The following MED13 variants were observed in gnomAD, a reference collection of about 807,000 sequenced individuals.
MED13 encodes mediator of RNA polymerase II transcription subunit 13.
Under a neutral mutation model 225.2 loss-of-function variants are expected in MED13, and 23 were observed. The observed-to-expected ratio is 0.10, with a 90% confidence interval of 0.07 to 0.14. MED13 has a LOEUF of 0.14. MED13 is among the 10% of genes least tolerant of loss of function. The pLI is 1.00. For missense variants in MED13, 2,197 were observed against 2,594.5 expected (o/e 0.85, Z 3.33); for synonymous variants, 942 against 889.2 (o/e 1.06, Z -1.06).
chr17:61,956,449 A>G lies in MED13; in HGVS notation c.5513T>C (p.Phe1838Ser), dbSNP rs746142227. The G allele has an allele frequency of 6.2e-7, 1 of 1,612,916 alleles. No homozygotes were observed. Among genetic ancestry groups the G allele is most frequent in the Non-Finnish European group, 8.5e-7 (1 of 1,179,660 alleles). ...ARRKKSSARK[F>S]GLQKLWEWCL... is the part of the protein sequence containing the mutation. ...CCACTCCCAAAGTTTCTGTAGACCAAATTTTCTAGCAGAACTTTTTTTCCG... is the reference window on the plus strand; with the variant it reads ...CCACTCCCAAAGTTTCTGTAGACCAGATTTTCTAGCAGAACTTTTTTTCCG... The change falls in exon 24 of 30, where the codon TTT becomes TCT. Residue 1838 changes from phenylalanine to serine, a missense_variant. Coordinates refer to ENST00000397786, the MANE Select transcript of MED13 (RefSeq NM_005121.3).
At chr17:62,061,362 AG>A (rs1296438155) in intron 2 of MED13, among the ~76,000 whole-genome samples, 4 of 144,500 alleles carry the variant, frequency 2.8e-5, no homozygotes, top group Admixed American at 2.7e-4. Context: ...CTACTTAAAA[AG>A]AAAAAAAGAA....
At chr17:62,057,169 GA>G (rs1300307871) in intron 2 of MED13, among the ~76,000 whole-genome samples, 3 of 152,018 alleles carry the variant, frequency 2.0e-5, no homozygotes, top group African/African-American at 7.2e-5. Flanking sequence ...ATATGCTAAT[GA>G]ATAATGGCTC....
At chr17:62,008,701 A>G (rs1603401503) in intron 9 of MED13, among the ~76,000 whole-genome samples, 1 of 151,550 alleles carries the variant, frequency 6.6e-6, no homozygotes, top group East Asian at 2.0e-4. Context: ...CCTCCCCCCG[A>G]GGGAGCTAAA....
intron 2 of MED13, among the ~76,000 whole-genome samples, chr17:62,059,395 C>T (rs996333824): frequency 3.9e-5 from 6 of 152,146 alleles, no homozygotes; most frequent in African/African-American, 1.4e-4. Flanking sequence ...AAAACAAGGG[C>T]AATATTATCA....
chr17:62,015,208 G>A (rs1025046219), intron 8 of MED13, among the ~76,000 whole-genome samples: 13 of 152,100 alleles, frequency 8.5e-5, no homozygotes, highest in African/African-American at 2.4e-4. Flanking sequence ...ATAATATTAG[G>A]TATGACGGTA....
At position 61,982,294 on chromosome 17, in the gene MED13, C is replaced by CT. The variant is rs2080211365; in HGVS notation, c.3708dup (p.Glu1237ArgfsTer9). On this transcript the variant is annotated frameshift_variant, in exon 16 of 30. Coordinates refer to ENST00000397786, the MANE Select transcript of MED13 (RefSeq NM_005121.3). LOFTEE classifies it high-confidence loss of function. ...TTATCCATGAACTGACGCCCATGTT[C>CT]TAATGCAAGGTAGCAGTCATTGCAA... The CT allele has an allele frequency of 6.2e-7, 1 of 1,614,082 alleles. No individual in the cohort carries two copies. Among genetic ancestry groups the CT allele is most frequent in the African/African-American group, 1.3e-5 (1 of 74,942 alleles).
At chr17:61,978,268 C>A (rs2080173896) in intron 16 of MED13, among the ~76,000 whole-genome samples, 2 of 149,572 alleles carry the variant, frequency 1.3e-5, no homozygotes, top group South Asian at 4.2e-4. Context: ...TATTTTTTTT[C>A]AGACCGAGTT....
At chr17:62,063,868 A>G (rs1052503985) in intron 1 of MED13, among the ~76,000 whole-genome samples, 39 of 152,240 alleles carry the variant, frequency 2.6e-4, no homozygotes, top group Non-Finnish European at 5.6e-4. Flanking sequence ...TAAAAGTACC[A>G]AAAATAGACT....
Position 61,955,562 on chromosome 17 carries a change from C to A in MED13, c.5788G>T (p.Val1930Leu). 6.4e-7 allele frequency: 1 copy of A among 1,554,756 alleles called. No homozygotes were observed. The highest frequency in any genetic ancestry group is 8.6e-7 in the Non-Finnish European group (1 of 1,157,552). ...CTTCCAAATACAGAACCAGTTGACA[C>A]AGAATCTGAAAATGAAAGACATTTT... ...QGSFVIMPDSVSTGSVFGRST... is the reference protein window; with the variant it reads ...QGSFVIMPDSLSTGSVFGRST... The change falls in exon 26 of 30, where the codon GTG becomes TTG. Residue 1930 changes from valine (V) to leucine (L), a missense_variant. Around this residue, in one of 12 missense-constraint regions of MED13, gnomAD observed 216 missense variants for 388.9 expected, o/e 0.56. Transcript: ENST00000397786.
At chr17:62,027,520 G>A (rs1656321400) in intron 8 of MED13, among the ~76,000 whole-genome samples, 1 of 151,992 alleles carries the variant, frequency 6.6e-6, no homozygotes, top group Admixed American at 6.6e-5. Context: ...CACAGAAATG[G>A]GCAAAAATTT....
intron 4 of MED13, among the ~76,000 whole-genome samples, chr17:62,035,243 T>A (rs2080792224): frequency 1.3e-5 from 2 of 152,138 alleles, no homozygotes; most frequent in South Asian, 4.1e-4. Flanking sequence ...TTTAAACTAC[T>A]TCACCATTCA....
intron 9 of MED13, among the ~76,000 whole-genome samples, chr17:62,001,501 A>C (rs779991569): frequency 3.3e-5 from 5 of 152,148 alleles, no homozygotes; most frequent in Non-Finnish European, 5.9e-5. Flanking sequence ...TATCTCACTC[A>C]ATACTTGCAA....
At chr17:61,947,201 T>G (rs560515822) in intron 28 of MED13, among the ~76,000 whole-genome samples, 184 bp from the exon 29 acceptor site, 11 of 152,184 alleles carry the variant, frequency 7.2e-5, no homozygotes, top group South Asian at 2.1e-4. Context: ...AATGTTTTTT[T>G]TTTTTTTTTT....
At chr17:62,060,996 C>G (rs1312480967) in intron 2 of MED13, among the ~76,000 whole-genome samples, 1 of 152,028 alleles carries the variant, frequency 6.6e-6, no homozygotes, top group Non-Finnish European at 1.5e-5. Flanking sequence ...AGCCATGGCA[C>G]CCAGCTGATC....
chr17:62,010,197 G>C (rs1178796969), intron 9 of MED13, among the ~76,000 whole-genome samples: 1 of 151,308 alleles, frequency 6.6e-6, no homozygotes, highest in Non-Finnish European at 1.5e-5. Context: ...CTCTAGCCTG[G>C]GTGACAGAGA....
intron 8 of MED13, among the ~76,000 whole-genome samples, chr17:62,020,437 C>T (rs988102418): frequency 9.2e-5 from 14 of 152,018 alleles, no homozygotes; most frequent in Admixed American, 8.5e-4. Flanking sequence ...AGTGCAGTGG[C>T]ACGATCTCGG....
At chr17:61,992,832 G>A (rs891623072) in intron 10 of MED13, among the ~76,000 whole-genome samples, 46 of 135,254 alleles carry the variant, frequency 3.4e-4, no homozygotes, top group African/African-American at 7.7e-4. Flanking sequence ...ACAGTGGCAC[G>A]ATCTCGGCTC....
intron 9 of MED13, among the ~76,000 whole-genome samples, chr17:61,997,208 T>G (rs372277147): frequency 6.6e-6 from 1 of 152,170 alleles, no homozygotes; most frequent in Non-Finnish European, 1.5e-5. Context: ...CGGGGCAAAG[T>G]AGGCCATCAA....
chr17:62,038,289 G>C (rs921515585), intron 3 of MED13, among the ~76,000 whole-genome samples: 3 of 151,928 alleles, frequency 2.0e-5, no homozygotes, highest in African/African-American at 7.2e-5. Flanking sequence ...CCAGCTACTC[G>C]AGAGGCTGAG....
Sources: gnomAD v4.1 joint callset for allele counts (sites outside exome capture counted in the v4.1 genomes callset) on GRCh38, gnomAD v4.1.1 for gene constraint, gnomAD v4.1.1 regional missense constraint, MANE v1.5 for transcripts, NCBI Gene and HGNC (gene_info 2026-07-23, HGNC 2026-07-21) for gene names.